The following TSPAN18 variants were observed in gnomAD, a reference collection of about 807,000 sequenced individuals.
The protein encoded by TSPAN18 is tetraspanin-18.
A neutral mutation model predicts 27.3 loss-of-function variants in TSPAN18; 14 were observed. The ratio of observed to expected loss-of-function variants is 0.51; its 90% CI spans 0.34 to 0.80. The LOEUF is 0.80. TSPAN18 is among the 30% of genes least tolerant of loss of function. TSPAN18 has a pLI of 0.01. For missense variants in TSPAN18, 268 were observed against 323.9 expected, an observed-to-expected ratio of 0.83 and a Z score of 1.32; for synonymous variants, 143 against 136.5, an observed-to-expected ratio of 1.05 and a Z score of -0.33.
chr11:44,757,359 A>G (rs1250026219), intron 1 of TSPAN18, among the ~76,000 whole-genome samples: 1 of 151,370 alleles, frequency 6.6e-6, no homozygotes, highest in Non-Finnish European at 1.5e-5. Flanking sequence ...GATCTTAGCC[A>G]GAAAGCTGAG....
intron 1 of TSPAN18, among the ~76,000 whole-genome samples, chr11:44,763,011 A>G (rs991450461): frequency 6.6e-5 from 10 of 152,072 alleles, no homozygotes; most frequent in African/African-American, 1.9e-4. Context: ...CCCACAGCCA[A>G]AGTTCTAGTC....
chr11:44,909,690 C>T lies in TSPAN18; in HGVS notation c.64-15C>T. The T allele has an allele frequency of 1.2e-6, 2 of 1,603,394 alleles. No homozygotes were observed. The highest frequency in any genetic ancestry group is 1.7e-6 in the Non-Finnish European group (2 of 1,176,704). ...TGCCTGTTTCTCCTCCCAACTCCTC[C>T]ACTGGCCCGAGCAGCTGGGCGGGGC... On this transcript the variant is annotated splice_polypyrimidine_tract_variant and intron_variant, in intron 4 of 9. Transcript: ENST00000520358.
At chr11:44,909,356 A>G (rs905692322) in intron 4 of TSPAN18, among the ~76,000 whole-genome samples, 9 of 152,240 alleles carry the variant, frequency 5.9e-5, no homozygotes, top group Non-Finnish European at 1.0e-4. Flanking sequence ...CTCTGTATGG[A>G]ATCAGAGGGT....
chr11:44,920,079 C>T, intron 8 of TSPAN18, 80 bp downstream of exon 8: 2 of 1,406,686 alleles, frequency 1.4e-6, no homozygotes, highest in Non-Finnish European at 1.9e-6. Flanking sequence ...GCGCTATCAC[C>T]CCAGAGGGTC....
intron 3 of TSPAN18, chr11:44,885,882 A>G (rs920373865): frequency 6.6e-6 from 1 of 152,246 alleles, no homozygotes; most frequent in Non-Finnish European, 1.5e-5. Flanking sequence ...ACTAGAATCA[A>G]TTGCAGTTGC....
chr11:44,823,230 G>A (rs12790444), intron 2 of TSPAN18, among the ~76,000 whole-genome samples: 27,276 of 152,160 alleles, frequency 0.18, 3,214 homozygotes, highest in Non-Finnish European at 0.26. Context: ...GCCTGCTTGC[G>A]TTATAGCTTG....
At chr11:44,726,909 GA>G (rs1854522356), upstream of TSPAN18, 2 of 129,924 alleles carry the variant, frequency 1.5e-5, no homozygotes, top group South Asian at 2.9e-4. Flanking sequence ...GAGGGCGGGG[GA>G]GGGGAGGGAC....
At chr11:44,919,429 C>T in intron 7 of TSPAN18, 117 bp downstream of exon 7, 1 of 910,322 alleles carries the variant, frequency 1.1e-6, no homozygotes, top group Middle Eastern at 2.1e-4. Context: ...ACAGACCTGG[C>T]CTTGGAATCA....
At chr11:44,903,631 G>A (rs548621382) in intron 3 of TSPAN18, 55 of 456,664 alleles carry the variant, frequency 1.2e-4, no homozygotes, top group South Asian at 2.8e-4. Context: ...CCAGGAGCAG[G>A]GCTGAGGCTG....
chr11:44,783,686 C>T (rs139318488), intron 2 of TSPAN18, among the ~76,000 whole-genome samples: 1,984 of 152,242 alleles, frequency 0.013, 51 homozygotes, highest in African/African-American at 0.045. Context: ...CGTGAGCCAC[C>T]GCGCCCGGCC....
chr11:44,767,443 T>A (rs1237770870), intron 2 of TSPAN18, among the ~76,000 whole-genome samples: 2 of 152,230 alleles, frequency 1.3e-5, no homozygotes, highest in Non-Finnish European at 2.9e-5. Flanking sequence ...ATTCTCTGCA[T>A]CTAGAGGTGC....
chr11:44,762,361 G>GCAGAA (rs1241845985), intron 1 of TSPAN18, among the ~76,000 whole-genome samples: 1 of 152,208 alleles, frequency 6.6e-6, no homozygotes, highest in African/African-American at 2.4e-5. Flanking sequence ...TGCAGAATGT[G>GCAGAA]TGTGGTAAGA....
intron 3 of TSPAN18, among the ~76,000 whole-genome samples, chr11:44,875,012 C>T (rs937741747): frequency 2.0e-5 from 3 of 152,192 alleles, no homozygotes; most frequent in African/African-American, 7.2e-5. Context: ...GGGGCAAGAC[C>T]CACTTCCCCT....
chr11:44,856,152 G>A (rs2135200429), intron 2 of TSPAN18, among the ~76,000 whole-genome samples: 1 of 152,100 alleles, frequency 6.6e-6, no homozygotes, highest in African/African-American at 2.4e-5. Context: ...TAAACTACTG[G>A]GATTACAGGC....
chr11:44,923,659 A>G (rs1250341852), intron 8 of TSPAN18, among the ~76,000 whole-genome samples: 1 of 152,166 alleles, frequency 6.6e-6, no homozygotes, highest in Admixed American at 6.5e-5. Flanking sequence ...ATCTTAAACA[A>G]GTTAGCCACT....
At chr11:44,842,955 A>C (rs1857404098) in intron 2 of TSPAN18, among the ~76,000 whole-genome samples, 1 of 149,720 alleles carries the variant, frequency 6.7e-6, no homozygotes, top group African/African-American at 2.5e-5. Flanking sequence ...CCAGGTGACT[A>C]CCATTCTGGC....
chr11:44,788,583 G>T (rs558744425), intron 2 of TSPAN18, among the ~76,000 whole-genome samples: 2 of 151,742 alleles, frequency 1.3e-5, no homozygotes, highest in South Asian at 4.2e-4. Context: ...CCAGCCTCCG[G>T]AGTAGCTGGG....
At chr11:44,918,101 G>T in intron 6 of TSPAN18, 55 bp downstream of exon 6, 1 of 1,576,552 alleles carries the variant, frequency 6.3e-7, no homozygotes. Flanking sequence ...GGGGTTGGTG[G>T]CCATTCAGGT....
chr11:44,808,955 C>G (rs572486941), intron 2 of TSPAN18, among the ~76,000 whole-genome samples: 1 of 152,166 alleles, frequency 6.6e-6, no homozygotes, highest in Non-Finnish European at 1.5e-5. Flanking sequence ...TACACCCCCT[C>G]GGAAATCATG....
Sources: gnomAD v4.1 joint callset for allele counts (sites outside exome capture counted in the v4.1 genomes callset) on GRCh38, gnomAD v4.1.1 for gene constraint, MANE v1.5 for transcripts, NCBI Gene and HGNC (gene_info 2026-07-23, HGNC 2026-07-21) for gene names.